SNX31: variants seen among roughly 807,000 people sequenced by gnomAD.
SNX31 encodes the protein sorting nexin-31.
A neutral mutation model predicts 65.4 loss-of-function variants in SNX31; 58 were observed. The observed-to-expected ratio is 0.89, with a 90% CI of 0.72 to 1.10. The LOEUF (loss-of-function observed/expected upper bound fraction) is 1.10. Ranked by LOEUF, SNX31 falls within the 50% of genes least tolerant of loss-of-function variation. SNX31 has a pLI of 0.00. For synonymous variants in SNX31, 181 were observed against 190.1 expected (o/e 0.95, Z 0.39); for missense variants, 523 against 529.7 (o/e 0.99, Z 0.12).
rs1055497506 is a variant in SNX31, at chr8:100,660,879, T to C, written c.-58+2263A>G. On this transcript the variant is annotated intron_variant, in intron 1 of 5. Transcript: ENST00000520352. This position sits in a 1 kb window ranked among gnomAD's most constrained non-coding sequence, Gnocchi z 4.1. ...CTGCTGGCAGACCAAGCCCTGGCAA[T>C]CACACATTCGTGCTAATGCAGCATG... Among the ~76,000 whole-genome samples the C allele has an allele frequency of 4.6e-5, 7 of 152,220 alleles. No individual in the cohort carries two copies. The highest frequency in any genetic ancestry group is 1.0e-4 in the Non-Finnish European group (7 of 68,034).
intron 2 of SNX31, among the ~76,000 whole-genome samples, chr8:100,640,424 C>A (rs1819085728): frequency 6.6e-6 from 1 of 152,178 alleles, no homozygotes; most frequent in South Asian, 2.1e-4. Context: ...CCACGCCCAG[C>A]CATATCAGAT....
intron 2 of SNX31, among the ~76,000 whole-genome samples, chr8:100,642,192 C>G (rs941422074): frequency 6.6e-6 from 1 of 152,202 alleles, no homozygotes; most frequent in Admixed American, 6.5e-5. Flanking sequence ...AGCATTATCC[C>G]AGGCAGGGCT....
intron 11 of SNX31, among the ~76,000 whole-genome samples, chr8:100,585,238 T>C (rs1813937290): frequency 6.6e-6 from 1 of 152,202 alleles, no homozygotes; most frequent in Non-Finnish European, 1.5e-5. Flanking sequence ...TTCCCACTTA[T>C]CCTTTTTCTC....
intron 2 of SNX31, among the ~76,000 whole-genome samples, chr8:100,643,910 T>C (rs1255771901): frequency 1.3e-5 from 2 of 152,128 alleles, no homozygotes; most frequent in African/African-American, 4.8e-5. Flanking sequence ...GGTTGAAACA[T>C]GAAGCGGCAC....
intron 8 of SNX31, among the ~76,000 whole-genome samples, chr8:100,606,926 T>C (rs1178784892): frequency 2.0e-5 from 3 of 152,258 alleles, no homozygotes; most frequent in Admixed American, 2.0e-4. Flanking sequence ...AAGGGCTTAA[T>C]GCTGACATCG....
chr8:100,658,607 T>C (rs530993738), intron 1 of SNX31, among the ~76,000 whole-genome samples: 31 of 152,330 alleles, frequency 2.0e-4, no homozygotes, highest in Admixed American at 1.8e-3. Flanking sequence ...TGCACTTTAC[T>C]GATAAGGAAA....
chr8:100,639,307 C>T (rs62513894), intron 2 of SNX31, among the ~76,000 whole-genome samples: 19,985 of 152,120 alleles, frequency 0.13, 1,807 homozygotes, highest in African/African-American at 0.26. Context: ...ACTCACTGAA[C>T]GTGGTGAGAA....
At chr8:100,647,000 T>C (rs1467080703) in intron 2 of SNX31, among the ~76,000 whole-genome samples, 2 of 152,194 alleles carry the variant, frequency 1.3e-5, no homozygotes, top group Non-Finnish European at 2.9e-5. Context: ...CTAATTCTAA[T>C]GCTAGCTCAT....
chr8:100,588,923 G>A lies in SNX31; in HGVS notation c.1035C>T (p.Leu345=). Reference sequence around the variant, plus strand: ...AACTATCCTCACTGTATTGAAATCTGAGCTCTAAGTTCTGGTTGAGAGTTC... The same window carrying A: ...AACTATCCTCACTGTATTGAAATCTAAGCTCTAAGTTCTGGTTGAGAGTTC... ...PQRTLNQNLE[L]RFQYSEDSCW... The change falls in exon 11 of 14, where the codon CTC becomes CTT. Residue 345 remains leucine, a synonymous_variant. Coordinates refer to ENST00000311812, the MANE Select transcript of SNX31 (RefSeq NM_152628.4). This position sits in a 1 kb window ranked among gnomAD's most constrained non-coding sequence, Gnocchi z 4.8. The A allele has an allele frequency of 6.2e-7, 1 of 1,614,074 alleles. No homozygotes were observed. The highest frequency in any genetic ancestry group is 8.5e-7 in the Non-Finnish European group (1 of 1,179,974).
At chr8:100,606,059 A>G (rs1009238820) in intron 8 of SNX31, among the ~76,000 whole-genome samples, 1 of 151,460 alleles carries the variant, frequency 6.6e-6, no homozygotes, top group Non-Finnish European at 1.5e-5. Context: ...TTTTTGAGAC[A>G]GGTTCTTGGT....
At chr8:100,603,956 T>C (rs1815901771) in intron 8 of SNX31, among the ~76,000 whole-genome samples, 1 of 152,218 alleles carries the variant, frequency 6.6e-6, no homozygotes, top group Admixed American at 6.5e-5. Context: ...CAGGCTGGTC[T>C]CAAACTCCTA....
intron 1 of SNX31, chr8:100,657,635 A>C (rs1386992087): frequency 2.2e-5 from 10 of 455,616 alleles, no homozygotes; most frequent in Non-Finnish European, 4.4e-5. Context: ...GTCCAGCTGG[A>C]GGGCTTGGGA....
chr8:100,656,654 A>AAC (rs1820057336), intron 1 of SNX31, among the ~76,000 whole-genome samples: 1 of 151,572 alleles, frequency 6.6e-6, no homozygotes, highest in African/African-American at 2.4e-5. Context: ...AAAAAAAAAA[A>AAC]AAAAAAAAAA....
chr8:100,620,782 G>A (rs919791647), intron 4 of SNX31, among the ~76,000 whole-genome samples: 17 of 152,034 alleles, frequency 1.1e-4, no homozygotes, highest in African/African-American at 4.1e-4. Flanking sequence ...TTTTTCAGAT[G>A]AAGTACAGGT....
chr8:100,651,076 T>C (rs1405796934), upstream of SNX31, among the ~76,000 whole-genome samples: 2 of 152,204 alleles, frequency 1.3e-5, no homozygotes, highest in African/African-American at 4.8e-5. Flanking sequence ...GGTCTCAAAC[T>C]CTTGACCTCA....
intron 10 of SNX31, among the ~76,000 whole-genome samples, chr8:100,593,397 G>A (rs1378348258): frequency 1.3e-5 from 2 of 152,118 alleles, no homozygotes; most frequent in Non-Finnish European, 2.9e-5. Flanking sequence ...GACCTCCAGA[G>A]GCAAACAAAC....
chr8:100,581,337 C>CTATA (rs57664831), intron 12 of SNX31, among the ~76,000 whole-genome samples: 158 of 125,460 alleles, frequency 1.3e-3, no homozygotes, highest in Non-Finnish European at 1.8e-3. Flanking sequence ...ATCTATCTAT[C>CTATA]TATATATATA....
rs879593761 is a variant in SNX31, at chr8:100,576,117, A to G, written c.1227+902T>C. ...ATCTCGTCTCTCTGTCCAACCAGCC[A>G]GAAGTGCTGTGATTATGAAGGAGAA... On this transcript the variant is annotated intron_variant, in intron 13 of 13. Coordinates refer to ENST00000311812, the MANE Select transcript of SNX31 (RefSeq NM_152628.4). The surrounding 1 kb of genome is among the most constrained non-coding windows in gnomAD (Gnocchi z 4.8). 5.3e-5 allele frequency among the ~76,000 whole-genome samples: 8 copies of G among 152,222 alleles called. No homozygotes were observed. The highest frequency in any genetic ancestry group is 8.8e-5 in the Non-Finnish European group (6 of 68,036).
rs747320444 is a variant in SNX31, at chr8:100,622,173, G to A, written c.322-4443C>T. 2.0e-5 allele frequency among the ~76,000 whole-genome samples: 3 copies of A among 151,914 alleles called. No individual in the cohort carries two copies. Among genetic ancestry groups the A allele is most frequent in the South Asian group, 2.1e-4 (1 of 4,828 alleles). On this transcript the variant is annotated intron_variant, in intron 4 of 13. Transcript: ENST00000311812. This position sits in a 1 kb window ranked among gnomAD's most constrained non-coding sequence, Gnocchi z 5.0. ...AGAATGTTGTTGGCTTTTTTTTCAC[G>A]CTTAATTAGTTTAAAGCCAGGTTAG...
Sources: allele counts gnomAD v4.1 joint callset (sites outside exome capture counted in the v4.1 genomes callset), GRCh38; gene constraint gnomAD v4.1.1; non-coding constraint Gnocchi (gnomAD v3.1); transcripts MANE v1.5; gene names NCBI Gene and HGNC (gene_info 2026-07-23, HGNC 2026-07-21).